DSCAM: variants seen among roughly 807,000 people sequenced by gnomAD.
The protein encoded by DSCAM is cell adhesion molecule DSCAM.
A neutral mutation model predicts 217.7 loss-of-function variants in DSCAM; 47 were observed. That is an observed-to-expected ratio of 0.22 (90% confidence interval 0.17 to 0.28). DSCAM has a LOEUF of 0.28. Ranked by LOEUF, DSCAM falls within the 10% of genes least tolerant of loss-of-function variation. The pLI, the probability that DSCAM is intolerant of heterozygous loss-of-function variation, is 1.00. For missense variants in DSCAM, 2,080 were observed against 2,618.3 expected (o/e 0.79, Z 4.49); for synonymous variants, 1,056 against 1,015.3 (o/e 1.04, Z -0.76).
intron 3 of DSCAM, among the ~76,000 whole-genome samples, chr21:40,369,786 T>C (rs1008629635): frequency 3.3e-5 from 5 of 152,196 alleles, no homozygotes; most frequent in African/African-American, 4.8e-5. Flanking sequence ...AAAAAGGCTG[T>C]CTTATTTCCT....
intron 3 of DSCAM, among the ~76,000 whole-genome samples, chr21:40,503,977 C>T (rs867287658): frequency 3.3e-5 from 5 of 152,188 alleles, no homozygotes; most frequent in African/African-American, 1.2e-4. Flanking sequence ...CTCTTCCAGG[C>T]TTTCATCAGA....
chr21:40,344,317 T>G (rs1028597608), intron 6 of DSCAM, among the ~76,000 whole-genome samples: 9 of 152,364 alleles, frequency 5.9e-5, no homozygotes, highest in African/African-American at 2.2e-4. Context: ...TTTGTTCTTA[T>G]AGATATGTCT....
chr21:40,258,994 C>G (rs758109020), intron 11 of DSCAM, among the ~76,000 whole-genome samples: 2 of 152,204 alleles, frequency 1.3e-5, no homozygotes, highest in Admixed American at 6.5e-5. Context: ...AAAAATGGCA[C>G]TGCTGAGGAG....
chr21:40,142,335 C>T (rs974899581), intron 18 of DSCAM, among the ~76,000 whole-genome samples: 1 of 152,164 alleles, frequency 6.6e-6, no homozygotes, highest in African/African-American at 2.4e-5. Context: ...TCCCAAGTGC[C>T]GCCCCCGCCT....
intron 1 of DSCAM, among the ~76,000 whole-genome samples, chr21:40,723,416 CT>C (rs2090923107): frequency 6.6e-6 from 1 of 152,116 alleles, no homozygotes; most frequent in Non-Finnish European, 1.5e-5. Context: ...GGTCTTCTAC[CT>C]TTCATACTAG....
At chr21:40,488,284 G>C (rs1406361988) in intron 3 of DSCAM, among the ~76,000 whole-genome samples, 1 of 152,192 alleles carries the variant, frequency 6.6e-6, no homozygotes, top group Non-Finnish European at 1.5e-5. Context: ...CGCAGCAAGG[G>C]CTGCTCTGCT....
chr21:40,480,315 A>T (rs917555224), intron 3 of DSCAM, among the ~76,000 whole-genome samples: 11 of 151,950 alleles, frequency 7.2e-5, no homozygotes, highest in African/African-American at 2.7e-4. Context: ...CATGAGATAA[A>T]GCATTTCCCA....
chr21:40,233,644 A>G (rs1601466712), intron 11 of DSCAM, among the ~76,000 whole-genome samples: 2 of 152,146 alleles, frequency 1.3e-5, no homozygotes, highest in South Asian at 4.2e-4. Flanking sequence ...CCTGCCCTCT[A>G]GTCTTTATTA....
chr21:40,453,876 C>A (rs1298409163), intron 3 of DSCAM, among the ~76,000 whole-genome samples: 2 of 152,172 alleles, frequency 1.3e-5, no homozygotes, highest in Non-Finnish European at 2.9e-5. Context: ...GCCCTTGAAT[C>A]AGCAAAGGCA....
intron 3 of DSCAM, among the ~76,000 whole-genome samples, chr21:40,497,673 A>G (rs894208295): frequency 6.6e-6 from 1 of 152,242 alleles, no homozygotes; most frequent in Admixed American, 6.5e-5. Context: ...AATTAGCTCA[A>G]TTTAGCCATT....
chr21:40,538,301 G>C (rs1415762309), intron 3 of DSCAM, among the ~76,000 whole-genome samples: 1 of 82,262 alleles, frequency 1.2e-5, no homozygotes, highest in Non-Finnish European at 2.0e-5. Context: ...AGCTAACCCC[G>C]TGCACAGCAG....
In DSCAM at chr21:40,013,056, G is replaced by C. The variant is rs200591095; in HGVS notation, c.6017C>G (p.Ala2006Gly). The C allele has an allele frequency of 6.5e-7, 1 of 1,527,766 alleles. No homozygotes were observed. The highest frequency in any genetic ancestry group is 1.4e-5 in the African/African-American group (1 of 72,840). 94.6% of individuals were successfully genotyped at this position (1,527,766 alleles called of 1,614,324 possible). ...CTGTTATACCAGGGTGTAAGATTTT[G>C]CGTAAGGATTGTTTCCTTTCAAATG... ...RGHLKGNNPYAKSYTLV is the reference protein window; with the variant it reads ...RGHLKGNNPYGKSYTLV Residue 2006 changes from alanine to glycine, a missense_variant, in exon 33 of 33, where the codon GCA (alanine) becomes GGA (glycine). Around this residue, in one of 5 missense-constraint regions of DSCAM, gnomAD observed 5 missense variants for 16.5 expected, o/e 0.30. Coordinates refer to ENST00000400454, the MANE Select transcript of DSCAM (RefSeq NM_001389.5).
intron 2 of DSCAM, among the ~76,000 whole-genome samples, chr21:40,707,752 G>T (rs1242930838): frequency 6.6e-6 from 1 of 152,202 alleles, no homozygotes; most frequent in East Asian, 1.9e-4. Context: ...AGTTTGTTTT[G>T]CAGGGCTTTG....
chr21:40,140,259 T>C (rs1020068561), intron 18 of DSCAM, among the ~76,000 whole-genome samples: 1 of 152,294 alleles, frequency 6.6e-6, no homozygotes, highest in South Asian at 2.1e-4. Flanking sequence ...GACTTCTACA[T>C]CGCACATTTA....
At chr21:40,336,075 T>C (rs2074427268) in intron 8 of DSCAM, among the ~76,000 whole-genome samples, 1 of 152,192 alleles carries the variant, frequency 6.6e-6, no homozygotes. Flanking sequence ...TTATTTTTAA[T>C]GTTCTATGTC....
At chr21:40,704,569 G>T (rs1022442958) in intron 2 of DSCAM, among the ~76,000 whole-genome samples, 1 of 151,472 alleles carries the variant, frequency 6.6e-6, no homozygotes, top group African/African-American at 2.4e-5. Context: ...TTTTTTTAAA[G>T]AATTAGCCAG....
At chr21:40,551,513 A>G (rs1368926454) in intron 3 of DSCAM, among the ~76,000 whole-genome samples, 1 of 152,132 alleles carries the variant, frequency 6.6e-6, no homozygotes, top group Non-Finnish European at 1.5e-5. Flanking sequence ...AGACTTTTAA[A>G]AGGTGCTAGA....
At chr21:40,103,774 A>C (rs1448961608) in intron 20 of DSCAM, among the ~76,000 whole-genome samples, 1 of 150,808 alleles carries the variant, frequency 6.6e-6, no homozygotes, top group East Asian at 1.9e-4. Context: ...TTTCAAATAT[A>C]AAATATTTTA....
intron 20 of DSCAM, among the ~76,000 whole-genome samples, chr21:40,115,993 G>C (rs1278461186): frequency 6.6e-6 from 1 of 152,202 alleles, no homozygotes; most frequent in Non-Finnish European, 1.5e-5. Context: ...ACAAGATCAT[G>C]TCCTTTGCAG....
Sources: allele counts gnomAD v4.1 joint callset (sites outside exome capture counted in the v4.1 genomes callset), GRCh38; gene constraint gnomAD v4.1.1; regional missense constraint gnomAD v4.1.1; transcripts MANE v1.5; gene names NCBI Gene and HGNC (gene_info 2026-07-23, HGNC 2026-07-21).